DNAAF9: variants seen among roughly 807,000 people sequenced by gnomAD.
DNAAF9 encodes the protein dynein axonemal assembly factor 9, also known as shulin.
Under a neutral mutation model 167.0 loss-of-function variants are expected in DNAAF9, and 90 were observed. The observed-to-expected ratio is 0.54, with a 90% confidence interval of 0.45 to 0.64. The LOEUF (loss-of-function observed/expected upper bound fraction) is 0.64, where lower values mean the gene tolerates loss of function less well. DNAAF9 is among the 30% of genes least tolerant of loss of function. The pLI is 0.00. For missense variants in DNAAF9, 1,315 were observed against 1,442.2 expected (o/e 0.91, Z 1.43); for synonymous variants, 491 against 508.8 (o/e 0.96, Z 0.47).
intron 3 of DNAAF9, among the ~76,000 whole-genome samples, chr20:3,380,391 G>A (rs1237529292): frequency 6.6e-6 from 1 of 152,152 alleles, no homozygotes; most frequent in East Asian, 1.9e-4. Flanking sequence ...AACCAGAGAA[G>A]AATTTTCATA....
chr20:3,392,523 C>G (rs75702592), intron 1 of DNAAF9, among the ~76,000 whole-genome samples: 1 of 152,200 alleles, frequency 6.6e-6, no homozygotes, highest in African/African-American at 2.4e-5. Flanking sequence ...TACCCTGACT[C>G]TGAACTTTTT....
intron 9 of DNAAF9, 172 bp from the exon 10 acceptor site, chr20:3,340,811 T>C (rs1186850434): frequency 3.2e-6 from 2 of 616,444 alleles, no homozygotes. Context: ...GGATGCCAGC[T>C]GTCTCCCTAC....
At chr20:3,398,734 G>A (rs528518301) in intron 1 of DNAAF9, among the ~76,000 whole-genome samples, 4 of 152,254 alleles carry the variant, frequency 2.6e-5, no homozygotes, top group Non-Finnish European at 4.4e-5. Context: ...CTAGACTTTC[G>A]GTGCTGATTA....
chr20:3,294,087 T>A, intron 25 of DNAAF9, 52 bp downstream of exon 25: 5 of 1,010,870 alleles, frequency 4.9e-6, no homozygotes, highest in South Asian at 1.3e-5. Flanking sequence ...AGGGGCAGGC[T>A]CTCAAGATCA....
At chr20:3,393,235 T>C (rs1311119448) in intron 1 of DNAAF9, among the ~76,000 whole-genome samples, 2 of 152,148 alleles carry the variant, frequency 1.3e-5, no homozygotes, top group Non-Finnish European at 2.9e-5. Flanking sequence ...TAGAGTAAAG[T>C]GGCACAGTCT....
At chr20:3,331,823 A>C (rs1165811516) in intron 11 of DNAAF9, among the ~76,000 whole-genome samples, 2 of 152,100 alleles carry the variant, frequency 1.3e-5, no homozygotes, top group Non-Finnish European at 2.9e-5. Flanking sequence ...ACAGGTGTGC[A>C]CCAGCACGCC....
At chr20:3,401,683 A>G (rs778769907) in intron 1 of DNAAF9, among the ~76,000 whole-genome samples, 1 of 152,226 alleles carries the variant, frequency 6.6e-6, no homozygotes, top group East Asian at 1.9e-4. Context: ...CCTATGTGCC[A>G]GACACCAATC....
Position 3,310,187 on chromosome 20 carries a change from C to T in DNAAF9, c.1678+4846G>A, listed in dbSNP as rs564400917. On this transcript the variant is annotated intron_variant, in intron 20 of 36. Transcript: ENST00000252032. ...AGCCCAGGCAACAAGAGTGAAACTC[C>T]ATCAAGAAAGAAAAGAAAGATGAAC... is the stretch of plus-strand genomic sequence containing the variant. Among the ~76,000 whole-genome samples the T allele has an allele frequency of 2.0e-5, 3 of 147,818 alleles. No homozygotes were observed. In the South Asian group the frequency reaches 6.4e-4, roughly 32 times the overall value.
At position 3,326,288 on chromosome 20, in the gene DNAAF9, T is replaced by C. The variant is rs2069710017; in HGVS notation, c.1101-4A>G. On this transcript the variant is annotated splice_region_variant and splice_polypyrimidine_tract_variant and intron_variant, in intron 12 of 36. Transcript: ENST00000252032. ...ATATATCTGGGACAATAGCCTACTTTAAAAACAAAAAATAATGGTTAACAT... is the reference window on the plus strand; with the variant it reads ...ATATATCTGGGACAATAGCCTACTTCAAAAACAAAAAATAATGGTTAACAT... 1 of 1,601,620 alleles carries C rather than the reference T, an allele frequency of 6.2e-7. No homozygotes were observed. Among genetic ancestry groups the C allele is most frequent in the African/African-American group, 1.3e-5 (1 of 74,710 alleles).
At chr20:3,381,085 G>A (rs1419863298) in intron 3 of DNAAF9, among the ~76,000 whole-genome samples, 1 of 152,174 alleles carries the variant, frequency 6.6e-6, no homozygotes, top group Non-Finnish European at 1.5e-5. Context: ...GCATGTAGAG[G>A]CAATGGTCAA....
chr20:3,349,192 CAAAAAAAAAAACAAAA>C (rs1344250547), intron 7 of DNAAF9, among the ~76,000 whole-genome samples: 1 of 39,100 alleles, frequency 2.6e-5, no homozygotes, highest in Non-Finnish European at 4.3e-5. Flanking sequence ...TCGTCTCTAC[CAAAAAAAAAAACAAAA>C]AAAAAAAAAA....
intron 7 of DNAAF9, among the ~76,000 whole-genome samples, chr20:3,350,973 A>G (rs2070311423): frequency 6.6e-6 from 1 of 152,222 alleles, no homozygotes; most frequent in Non-Finnish European, 1.5e-5. Context: ...TAATTAATGA[A>G]TTAAGGATCT....
rs553725390 is a variant in DNAAF9, at chr20:3,275,263, G to C, written c.2650+3649C>G. ...GTGGAAGGCAAGAAGAGCTCTGGCG[G>C]GTCTGGCAGTGAAGAGCCAGCAAAG... On this transcript the variant is annotated intron_variant, in intron 29 of 36. Coordinates refer to ENST00000252032, the MANE Select transcript of DNAAF9 (RefSeq NM_001009984.3). Among the ~76,000 whole-genome samples the C allele has an allele frequency of 4.6e-5, 7 of 152,306 alleles. 1 individual carries two copies. In the South Asian group the frequency reaches 6.2e-4, roughly 14 times the overall value.
At chr20:3,369,626 C>T (rs908557285) in intron 6 of DNAAF9, among the ~76,000 whole-genome samples, 2 of 152,166 alleles carry the variant, frequency 1.3e-5, no homozygotes, top group Non-Finnish European at 2.9e-5. Context: ...ATCTGCCTGC[C>T]TCAGCCTCCC....
chr20:3,314,505 C>T (rs899628630), intron 20 of DNAAF9, among the ~76,000 whole-genome samples: 1 of 152,090 alleles, frequency 6.6e-6, no homozygotes, highest in African/African-American at 2.4e-5. Flanking sequence ...GACCTCATTC[C>T]TACAAGCGAA....
At chr20:3,331,832 C>T (rs1009739691) in intron 11 of DNAAF9, among the ~76,000 whole-genome samples, 5 of 152,140 alleles carry the variant, frequency 3.3e-5, no homozygotes, top group Non-Finnish European at 5.9e-5. Flanking sequence ...CACCAGCACG[C>T]CTGGCTAATT....
At chr20:3,341,290 A>G (rs2070079745) in intron 9 of DNAAF9, among the ~76,000 whole-genome samples, 1 of 152,050 alleles carries the variant, frequency 6.6e-6, no homozygotes, top group African/African-American at 2.4e-5. Flanking sequence ...TCCAACAGAT[A>G]GTCTTCAGGT....
chr20:3,382,380 A>G, intron 2 of DNAAF9, 47 bp downstream of exon 2: 1 of 1,467,256 alleles, frequency 6.8e-7, no homozygotes, highest in Middle Eastern at 1.7e-4. Flanking sequence ...GAACAAAAAA[A>G]GCCAAGTTGC....
At chr20:3,340,454 CACAACTTGATAATAAAACTAATCAAGCA>C in intron 10 of DNAAF9, 22 bp downstream of exon 10, 2 of 1,053,078 alleles carry the variant, frequency 1.9e-6, no homozygotes, top group East Asian at 3.3e-5. Context: ...ACCCCACCCC[CACAACTTGATAATAAAACTAATCAAGCA>C]CCAGGCAGTC....
Sources: gnomAD v4.1 joint callset for allele counts (sites outside exome capture counted in the v4.1 genomes callset) on GRCh38, gnomAD v4.1.1 for gene constraint, MANE v1.5 for transcripts, NCBI Gene and HGNC (gene_info 2026-07-23, HGNC 2026-07-21) for gene names.